The following CCDC91 variants were observed in gnomAD, a reference collection of about 807,000 sequenced individuals.
The protein encoded by CCDC91 is coiled-coil domain containing 91.
Under a neutral mutation model 63.2 loss-of-function variants are expected in CCDC91, and 48 were observed. That is an observed-to-expected ratio of 0.76 (90% CI 0.60 to 0.97). The LOEUF (loss-of-function observed/expected upper bound fraction) is 0.97, where lower values mean the gene tolerates loss of function less well. CCDC91 is among the 50% of genes least tolerant of loss of function. The probability of loss-of-function intolerance (pLI) is 0.00; values close to 1 mark genes in which losing one functional copy is unlikely to be tolerated. For missense variants in CCDC91, 500 were observed against 494.6 expected (o/e 1.01, Z -0.10); for synonymous variants, 167 against 165.8 (o/e 1.01, Z -0.06).
chr12:28,466,573 G>A (rs1950560934), intron 11 of CCDC91, among the ~76,000 whole-genome samples: 1 of 152,108 alleles, frequency 6.6e-6, no homozygotes, highest in Non-Finnish European at 1.5e-5. Context: ...TATTTAAAGT[G>A]CTGAAGGAAA....
chr12:28,192,540 C>T (rs766887923), intron 1 of CCDC91, among the ~76,000 whole-genome samples: 4 of 152,118 alleles, frequency 2.6e-5, no homozygotes, highest in Non-Finnish European at 5.9e-5. Flanking sequence ...ACAATGAGAA[C>T]TTAATTGAAA....
chr12:28,496,855 G>A (rs2141059655), intron 12 of CCDC91, among the ~76,000 whole-genome samples: 1 of 147,746 alleles, frequency 6.8e-6, no homozygotes, highest in East Asian at 2.0e-4. Context: ...ACTAAAAATA[G>A]TTCTTAAGGT....
chr12:28,256,596 C>G (rs1362616237), intron 1 of CCDC91: 1 of 152,046 alleles, frequency 6.6e-6, no homozygotes, highest in Non-Finnish European at 1.5e-5. Context: ...TTTTCTCATC[C>G]CTCATCTCCC....
intron 4 of CCDC91, among the ~76,000 whole-genome samples, chr12:28,306,070 T>C (rs1343920822): frequency 6.6e-6 from 1 of 152,086 alleles, no homozygotes; most frequent in Non-Finnish European, 1.5e-5. Context: ...TTACTTGGCT[T>C]TGCATTTCAA....
intron 11 of CCDC91, among the ~76,000 whole-genome samples, chr12:28,480,352 T>G (rs896193747): frequency 5.9e-5 from 9 of 151,978 alleles, no homozygotes; most frequent in African/African-American, 1.4e-4. Flanking sequence ...TTACCACCAC[T>G]CATTAACCAC....
At chr12:28,319,168 G>C (rs10843153) in intron 6 of CCDC91, among the ~76,000 whole-genome samples, 2 of 151,742 alleles carry the variant, frequency 1.3e-5, no homozygotes, top group Admixed American at 6.6e-5. Context: ...GAAAAATCAA[G>C]TAAACTGTTT....
intron 1 of CCDC91, among the ~76,000 whole-genome samples, chr12:28,227,228 T>C (rs567843891): frequency 6.6e-6 from 1 of 152,148 alleles, no homozygotes; most frequent in Admixed American, 6.5e-5. Flanking sequence ...ATTGTACTCT[T>C]TGCAACAAAG....
chr12:28,254,422 A>G (rs1460633914), intron 1 of CCDC91, among the ~76,000 whole-genome samples: 2 of 152,236 alleles, frequency 1.3e-5, no homozygotes, highest in Non-Finnish European at 2.9e-5. Flanking sequence ...AAATGCTAGA[A>G]TATTCTAAAA....
intron 1 of CCDC91, among the ~76,000 whole-genome samples, chr12:28,249,156 T>G (rs557037695): frequency 3.0e-4 from 46 of 152,214 alleles, no homozygotes; most frequent in Non-Finnish European, 4.7e-4. Context: ...TTGAAATAGC[T>G]TTTCTGGAGA....
chr12:28,230,930 G>A (rs1464005241), intron 1 of CCDC91, among the ~76,000 whole-genome samples: 1 of 152,100 alleles, frequency 6.6e-6, no homozygotes, highest in African/African-American at 2.4e-5. Context: ...TGGCCTTTAT[G>A]CCATTATTTA....
intron 1 of CCDC91, among the ~76,000 whole-genome samples, chr12:28,201,602 C>T (rs9675165): frequency 0.18 from 22,054 of 124,630 alleles, 2,297 homozygotes; most frequent in Non-Finnish European, 0.22. Context: ...CAGGCAGAGA[C>T]GCTCCTCACT....
intron 1 of CCDC91, among the ~76,000 whole-genome samples, chr12:28,194,861 G>C (rs1370521751): frequency 6.7e-6 from 1 of 149,986 alleles, no homozygotes; most frequent in South Asian, 2.1e-4. Flanking sequence ...GGAGTTGTTC[G>C]TTCTTCCTGG....
intron 6 of CCDC91, among the ~76,000 whole-genome samples, chr12:28,356,271 C>G (rs1476671352): frequency 6.6e-6 from 1 of 152,138 alleles, no homozygotes; most frequent in African/African-American, 2.4e-5. Context: ...GAAAAACAAC[C>G]AGGCTTATTG....
chr12:28,275,059 T>A (rs531792428), intron 3 of CCDC91, among the ~76,000 whole-genome samples: 12 of 151,646 alleles, frequency 7.9e-5, no homozygotes, highest in South Asian at 6.2e-4. Flanking sequence ...AATTAAAAGA[T>A]CTAGAGAAGC....
rs545277728 is a variant in CCDC91, at chr12:28,287,520, G to T, written c.110-18129G>T. 9.2e-4 allele frequency among the ~76,000 whole-genome samples: 138 copies of T among 150,470 alleles called. 1 individual carries two copies. Among genetic ancestry groups the T allele is most frequent in the African/African-American group, 3.0e-3 (124 of 41,380 alleles). On this transcript the variant is annotated intron_variant, in intron 3 of 12. Coordinates refer to ENST00000536442, the MANE Select transcript of CCDC91 (RefSeq NM_018318.5). Reference sequence around the variant, plus strand: ...CTTTGTAAAAAATGTGATGTTGTAGGTGTGAGGCCTTAGTTCTCGGGTCTC... The same window carrying T: ...CTTTGTAAAAAATGTGATGTTGTAGTTGTGAGGCCTTAGTTCTCGGGTCTC...
chr12:28,321,048 A>G (rs922880123), intron 6 of CCDC91, among the ~76,000 whole-genome samples: 15 of 151,992 alleles, frequency 9.9e-5, no homozygotes, highest in African/African-American at 3.4e-4. Flanking sequence ...ACTATGTAAA[A>G]CTGTTTAACA....
chr12:28,392,489 G>T (rs1264731886), intron 8 of CCDC91, among the ~76,000 whole-genome samples: 1 of 152,108 alleles, frequency 6.6e-6, no homozygotes, highest in African/African-American at 2.4e-5. Flanking sequence ...AGCCGTGTTA[G>T]ATTTGTATCT....
chr12:28,512,346 C>A (rs1668734345), intron 12 of CCDC91, among the ~76,000 whole-genome samples: 1 of 151,782 alleles, frequency 6.6e-6, no homozygotes, highest in Non-Finnish European at 1.5e-5. Context: ...CATGTGGAGT[C>A]TGATTTAGGA....
chr12:28,521,095 C>T (rs1940597508), intron 12 of CCDC91, among the ~76,000 whole-genome samples: 1 of 152,098 alleles, frequency 6.6e-6, no homozygotes, highest in African/African-American at 2.4e-5. Context: ...GTAGTTTTTT[C>T]CAATTCTGTG....
Sources: gnomAD v4.1 joint callset for allele counts (sites outside exome capture counted in the v4.1 genomes callset) on GRCh38, gnomAD v4.1.1 for gene constraint, MANE v1.5 for transcripts, NCBI Gene and HGNC (gene_info 2026-07-23, HGNC 2026-07-21) for gene names.